The following GPR149 variants were observed in gnomAD, a reference collection of about 807,000 sequenced individuals.
GPR149 encodes the protein probable G protein-coupled receptor 149.
GPR149 carries 50 observed loss-of-function variants against 50.2 expected under a neutral mutation model. The observed-to-expected ratio is 1.00, with a 90% CI of 0.79 to 1.26. The LOEUF (loss-of-function observed/expected upper bound fraction) is 1.26. Among genes scored for constraint, GPR149 ranks in the 50% most tolerant of loss-of-function variants. The pLI, the probability that GPR149 is intolerant of heterozygous loss-of-function variation, is 0.00. For synonymous variants in GPR149, 405 were observed against 358.2 expected (o/e 1.13, Z -1.48); for missense variants, 983 against 895.4 (o/e 1.10, Z -1.25).
chr3:154,414,645 A>G (rs1221687287), intron 3 of GPR149, among the ~76,000 whole-genome samples: 1 of 152,070 alleles, frequency 6.6e-6, no homozygotes, highest in African/African-American at 2.4e-5. Flanking sequence ...TCACATCACC[A>G]TCATAAGATG....
chr3:154,344,017 T>C, intron 3 of GPR149, among the ~76,000 whole-genome samples: 1 of 152,114 alleles, frequency 6.6e-6, no homozygotes, highest in South Asian at 2.1e-4. Flanking sequence ...AGAAAAAATG[T>C]AGAGAATGGC....
chr3:154,420,600 AAC>A (rs1712114481), intron 3 of GPR149, among the ~76,000 whole-genome samples: 1 of 151,996 alleles, frequency 6.6e-6, no homozygotes. Context: ...TCAACAGAAC[AAC>A]ACTTCTCACT....
At chr3:154,397,192 G>T (rs770988798) in intron 3 of GPR149, among the ~76,000 whole-genome samples, 2 of 152,086 alleles carry the variant, frequency 1.3e-5, no homozygotes, top group African/African-American at 4.8e-5. Context: ...TCTCAGGTGA[G>T]GTGTCTGGTA....
In GPR149 at chr3:154,428,766, C is replaced by G. The variant is rs773572948; in HGVS notation, c.850G>C (p.Gly284Arg). Residue 284 changes from glycine (G) to arginine (R), a missense_variant, in exon 1 of 4, where the codon GGG becomes CGG. Gly to Arg is a moderately radical substitution (Grantham distance 125). Coordinates refer to ENST00000389740, the MANE Select transcript of GPR149 (RefSeq NM_001038705.3). ...VFGPGAPAAA[G>R]AEACRRENRG... ...TTCTCACGCCTGCAGGCTTCAGCCC[C>G]AGCGGCAGCGGGCGCACCCGGTCCG... The G allele has an allele frequency of 1.9e-6, 3 of 1,613,916 alleles. No homozygotes were observed. The highest frequency in any genetic ancestry group is 3.3e-5 in the Admixed American group (2 of 60,030).
At chr3:154,420,753 T>C (rs1008936183) in intron 3 of GPR149, among the ~76,000 whole-genome samples, 10 of 151,964 alleles carry the variant, frequency 6.6e-5, no homozygotes, top group Admixed American at 6.6e-4. Context: ...GAATCTAATC[T>C]GAATTTATGC....
intron 3 of GPR149, chr3:154,352,100 A>C (rs1413723379): frequency 1.6e-6 from 1 of 635,606 alleles, no homozygotes; most frequent in African/African-American, 1.9e-5. Context: ...AGGCACAAAT[A>C]GGCAAGTTCA....
At chr3:154,400,606 G>GCCT (rs1711531723) in intron 3 of GPR149, among the ~76,000 whole-genome samples, 1 of 150,510 alleles carries the variant, frequency 6.6e-6, no homozygotes. Context: ...AAATCCCAGA[G>GCCT]CCTCCCCTGA....
intron 3 of GPR149, among the ~76,000 whole-genome samples, chr3:154,413,282 A>C (rs1409134399): frequency 6.6e-6 from 1 of 152,140 alleles, no homozygotes; most frequent in East Asian, 1.9e-4. Context: ...CAAATGCAAC[A>C]AAAATAAAGA....
At chr3:154,427,011 C>T (rs1038338938) in intron 2 of GPR149, among the ~76,000 whole-genome samples, 2 of 151,998 alleles carry the variant, frequency 1.3e-5, no homozygotes, top group African/African-American at 4.8e-5. Context: ...TGGAAGAATA[C>T]TAGCAGTAAA....
intron 3 of GPR149, among the ~76,000 whole-genome samples, chr3:154,363,604 TC>T (rs1231047893): frequency 1.3e-5 from 2 of 151,962 alleles, no homozygotes; most frequent in Non-Finnish European, 2.9e-5. Context: ...CAGGGACAAG[TC>T]CCCAGTGAAA....
chr3:154,409,240 T>G (rs1576925899), intron 3 of GPR149, among the ~76,000 whole-genome samples: 1 of 152,184 alleles, frequency 6.6e-6, no homozygotes, highest in African/African-American at 2.4e-5. Flanking sequence ...GCCCTTGAAT[T>G]CCAGATCTTC....
intron 3 of GPR149, among the ~76,000 whole-genome samples, chr3:154,396,370 A>C (rs1299729910): frequency 6.6e-6 from 1 of 152,088 alleles, no homozygotes; most frequent in African/African-American, 2.4e-5. Flanking sequence ...TTTAAAATAC[A>C]TTTTCTTTTG....
In GPR149 at chr3:154,352,596, G is replaced by A. The variant is rs111688348; in HGVS notation, c.1624-14325C>T. On this transcript the variant is annotated intron_variant, in intron 3 of 3. Transcript: ENST00000389740. Reference sequence around the variant, plus strand: ...TTCCAGAGTCATGGTCATCAGAGGCGATCAAAGACTGTGGTTCAAAACTTG... The same window carrying A: ...TTCCAGAGTCATGGTCATCAGAGGCAATCAAAGACTGTGGTTCAAAACTTG... The A allele has an allele frequency of 8.2e-4, 636 of 776,748 alleles. 7 individuals carry two copies. The highest frequency in any genetic ancestry group is 7.2e-4 in the Middle Eastern group (2 of 2,794). The allele number at this position is 776,748 out of a possible 1,614,324, so 48.1% of individuals were successfully genotyped here.
intron 3 of GPR149, chr3:154,353,498 C>T: frequency 1.1e-6 from 1 of 891,102 alleles, no homozygotes; most frequent in Non-Finnish European, 1.9e-6. Context: ...TAGAAAGATC[C>T]AATCAGCCAC....
rs558312639 is a variant in GPR149, at chr3:154,353,365, G to T, written c.1624-15094C>A. On this transcript the variant is annotated intron_variant, in intron 3 of 3. Transcript: ENST00000389740. ...CACTGTGGGCAAGTTGCAGAAAAAAGTAAAGTCTGAGGATGGTCTTCAGAT... is the reference window on the plus strand; with the variant it reads ...CACTGTGGGCAAGTTGCAGAAAAAATTAAAGTCTGAGGATGGTCTTCAGAT... 3 of 1,403,430 alleles carry T rather than the reference G, an allele frequency of 2.1e-6. No individual in the cohort carries two copies. In the South Asian group the frequency reaches 3.5e-5, roughly 16 times the overall value. The allele number at this position is 1,403,430 out of a possible 1,614,324, so 86.9% of individuals were successfully genotyped here.
At chr3:154,361,252 T>C (rs1365172943) in intron 3 of GPR149, among the ~76,000 whole-genome samples, 2 of 152,222 alleles carry the variant, frequency 1.3e-5, no homozygotes, top group East Asian at 1.9e-4. Context: ...ATCACTCATA[T>C]GCACACTTTT....
rs369774919 is a variant in GPR149, at chr3:154,335,679, G to A, written c.*2020C>T. ...TTAAAATAAAATGAGACGGAAAATG[G>A]GTATTATTGTCTTCTATCTATTTCT... On this transcript the variant is annotated 3_prime_UTR_variant, in exon 4 of 4. Transcript: ENST00000389740. 2.0e-5 allele frequency: 3 copies of A among 151,954 alleles called. No homozygotes were observed. Among genetic ancestry groups the A allele is most frequent in the African/African-American group, 4.8e-5 (2 of 41,360 alleles). The allele number at this position is 151,954 out of a possible 1,614,324, so 9.4% of individuals were successfully genotyped here. A position where few individuals can be genotyped will look rare whatever the true frequency, so the allele number is the denominator to read the frequency against.
rs748288416 is a variant in GPR149, at chr3:154,429,041, A to G, written c.575T>C (p.Leu192Pro). 6.2e-7 allele frequency: 1 copy of G among 1,614,026 alleles called. No homozygotes were observed. Among genetic ancestry groups the G allele is most frequent in the South Asian group, 1.1e-5 (1 of 91,086 alleles). Residue 192 changes from leucine (L) to proline (P), a missense_variant, in exon 1 of 4, where the codon CTA (leucine) becomes CCA (proline). By Grantham distance (98) the Leu-to-Pro change is moderately conservative. Coordinates refer to ENST00000389740, the MANE Select transcript of GPR149 (RefSeq NM_001038705.3). The part of the protein sequence containing the change: ...CLVDCSSSYV[L>P]FLSIVYALAF... ...CAAAGCGTACACGATAGAGAGGAAT[A>G]GTACGTAGGAGCTGGAGCAGTCCAC... is the stretch of plus-strand genomic sequence containing the variant.
At chr3:154,353,477 A>G (rs1714136381) in intron 3 of GPR149, 4 of 915,274 alleles carry the variant, frequency 4.4e-6, no homozygotes, top group Non-Finnish European at 7.4e-6. Flanking sequence ...CAAGCACAAC[A>G]TGGCACAGTT....
Sources: gnomAD v4.1 joint callset for allele counts (sites outside exome capture counted in the v4.1 genomes callset) on GRCh38, gnomAD v4.1.1 for gene constraint, MANE v1.5 for transcripts, NCBI Gene and HGNC (gene_info 2026-07-23, HGNC 2026-07-21) for gene names.